Variants in PTPN20 observed in about 807,000 individuals in gnomAD.
The protein encoded by PTPN20 is tyrosine-protein phosphatase non-receptor type 20.
PTPN20 carries 9 observed loss-of-function variants against 35.0 expected under a neutral mutation model. That is an observed-to-expected ratio of 0.26 (90% CI 0.15 to 0.45). The LOEUF is 0.45. Among genes scored for constraint, PTPN20 ranks in the 20% least tolerant of loss-of-function variants. PTPN20 has a pLI of 1.00. For missense variants in PTPN20, 111 were observed against 312.5 expected (o/e 0.36, Z 4.86); for synonymous variants, 32 against 100.2 (o/e 0.32, Z 4.06).
intron 7 of PTPN20, among the ~76,000 whole-genome samples, chr10:46,979,954 C>A (rs1353743580): frequency 1.3e-5 from 2 of 151,006 alleles, no homozygotes; most frequent in African/African-American, 4.8e-5. Context: ...TTCCCTTCCA[C>A]AGGATATTAC....
chr10:46,972,206 T>C (rs1282289515), intron 7 of PTPN20, among the ~76,000 whole-genome samples: 3 of 146,764 alleles, frequency 2.0e-5, no homozygotes, highest in Non-Finnish European at 4.5e-5. Context: ...CACAAAAACT[T>C]ATATTTATAA....
Position 46,931,553 on chromosome 10 carries a change from ACCC to A in PTPN20, c.-123-823_-123-821del, listed in dbSNP as rs1555118967. Among the ~76,000 whole-genome samples the A allele has an allele frequency of 1.8e-4, 25 of 141,694 alleles. 2 individuals are homozygous for A. Among genetic ancestry groups the A allele is most frequent in the Non-Finnish European group, 3.1e-4 (21 of 66,986 alleles). 93.0% of individuals were successfully genotyped at this position (141,694 alleles called of 152,430 possible). On this transcript the variant is annotated intron_variant, in intron 1 of 10. Coordinates refer to ENST00000374339, the MANE Select transcript of PTPN20 (RefSeq NM_001042357.5). ...TGGGACCACAGGTGTGTGCCACCAC[ACCC>A]GTCTAATTTTTGTAGAGACAGGATT...
At chr10:47,002,998 C>T (rs2060131961), downstream of PTPN20, among the ~76,000 whole-genome samples, 1 of 151,768 alleles carries the variant, frequency 6.6e-6, no homozygotes, top group African/African-American at 2.4e-5. Context: ...TTTTCTAATT[C>T]CTCGGAAGAA....
chr10:46,996,697 T>C (rs1398308185), intron 9 of PTPN20, among the ~76,000 whole-genome samples: 1 of 152,194 alleles, frequency 6.6e-6, no homozygotes, highest in African/African-American at 2.4e-5. Context: ...TTTGGCCTAT[T>C]GATGGCTAGT....
chr10:46,948,068 CTTCTT>C (rs2045530815), intron 5 of PTPN20: 1 of 392,006 alleles, frequency 2.6e-6, no homozygotes, highest in Admixed American at 3.3e-5. Flanking sequence ...TTCTCCTACT[CTTCTT>C]ACTCTTTGTA....
intron 5 of PTPN20, among the ~76,000 whole-genome samples, chr10:46,948,191 T>C (rs1414511647): frequency 6.6e-6 from 1 of 152,162 alleles, no homozygotes; most frequent in Non-Finnish European, 1.5e-5. Context: ...GTTTTTTATG[T>C]ACAACATTTC....
intron 9 of PTPN20, among the ~76,000 whole-genome samples, chr10:46,998,578 A>G (rs1020757588): frequency 1.3e-5 from 2 of 152,144 alleles, no homozygotes; most frequent in African/African-American, 4.8e-5. Flanking sequence ...AGTTACATGA[A>G]TCTTCACATA....
At chr10:46,945,093 T>A (rs1457819657) in intron 4 of PTPN20, among the ~76,000 whole-genome samples, 1 of 138,334 alleles carries the variant, frequency 7.2e-6, no homozygotes, top group Non-Finnish European at 1.5e-5. Flanking sequence ...GGAGAAATAT[T>A]AGCTGCCAAG....
rs1446449000 is a variant in PTPN20 at position 46,940,439 on chromosome 10, T to C, written c.35-184T>C. The C allele has an allele frequency of 1.8e-4, 112 of 627,270 alleles. 1 individual carries two copies. The East Asian group carries it at 2.9e-3, about 16-fold the overall frequency. The allele number at this position is 627,270 out of a possible 1,614,324, so 38.9% of individuals were successfully genotyped here. On this transcript the variant is annotated intron_variant, in intron 2 of 10. Transcript: ENST00000374339. ...TAGAAGAAGGATCAGCTTTGCTATG[T>C]TGATTTTTTCAAAGCAGGGGAGAAA...
chr10:46,948,119 GT>G (rs1354787194), intron 5 of PTPN20, among the ~76,000 whole-genome samples: 1 of 151,934 alleles, frequency 6.6e-6, no homozygotes, highest in Non-Finnish European at 1.5e-5. Flanking sequence ...CTTTCTTCAA[GT>G]TTACTGATTC....
chr10:46,964,561 G>T (rs1555158979), intron 5 of PTPN20, among the ~76,000 whole-genome samples: 1 of 149,064 alleles, frequency 6.7e-6, no homozygotes, highest in Non-Finnish European at 1.5e-5. Context: ...TAATGAAACA[G>T]GACGTGAACT....
chr10:46,929,685 C>G (rs1284531560), intron 1 of PTPN20, among the ~76,000 whole-genome samples: 1 of 149,276 alleles, frequency 6.7e-6, no homozygotes, highest in Non-Finnish European at 1.5e-5. Flanking sequence ...TGGTCCAACC[C>G]GAGGAGATGA....
At chr10:46,948,049 ACTTTT>A (rs1427245972) in intron 5 of PTPN20, 1 of 416,022 alleles carries the variant, frequency 2.4e-6, no homozygotes, top group East Asian at 7.2e-5. Context: ...GTTGCTTTTT[ACTTTT>A]CTTTTCTCCT....
In PTPN20 at chr10:47,000,793, C is replaced by G; in HGVS notation, c.*52C>G. ...AAATTACCAAGTGGGTTTGCACCTCCTCATAAAGAACATGTTTGCACTGTG... is the reference window on the plus strand; with the variant it reads ...AAATTACCAAGTGGGTTTGCACCTCGTCATAAAGAACATGTTTGCACTGTG... On this transcript the variant is annotated 3_prime_UTR_variant, in exon 11 of 11. Coordinates refer to ENST00000374339, the MANE Select transcript of PTPN20 (RefSeq NM_001042357.5). The G allele has an allele frequency of 6.2e-7, 1 of 1,600,086 alleles. No individual in the cohort carries two copies. Among genetic ancestry groups the G allele is most frequent in the Non-Finnish European group, 8.6e-7 (1 of 1,167,464 alleles).
chr10:47,000,224 TC>T (rs2059870383), intron 10 of PTPN20, among the ~76,000 whole-genome samples: 1 of 152,192 alleles, frequency 6.6e-6, no homozygotes, highest in South Asian at 2.1e-4. Flanking sequence ...TGAGGTCTCC[TC>T]GTGTCCAAAC....
chr10:46,948,171 A>G (rs2045578461), intron 5 of PTPN20, among the ~76,000 whole-genome samples: 1 of 152,130 alleles, frequency 6.6e-6, no homozygotes, highest in Non-Finnish European at 1.5e-5. Context: ...ACCCATTGAA[A>G]GCACACAGTG....
chr10:46,957,620 A>T (rs2048794783), intron 5 of PTPN20, among the ~76,000 whole-genome samples: 1 of 151,684 alleles, frequency 6.6e-6, no homozygotes, highest in African/African-American at 2.4e-5. Flanking sequence ...AATCCCAGCT[A>T]CTTGGGAGGC....
intron 9 of PTPN20, among the ~76,000 whole-genome samples, chr10:46,996,893 T>C (rs1229583346): frequency 6.6e-6 from 1 of 152,194 alleles, no homozygotes; most frequent in Non-Finnish European, 1.5e-5. Flanking sequence ...TAGTAAGCTT[T>C]AACATCAGAT....
intron 1 of PTPN20, among the ~76,000 whole-genome samples, chr10:46,925,652 G>A (rs1237130997): frequency 2.7e-5 from 4 of 149,844 alleles, no homozygotes; most frequent in African/African-American, 9.9e-5. Context: ...AGAGGATAGA[G>A]GAGTAGGAAC....
Sources: gnomAD v4.1 joint callset for allele counts (sites outside exome capture counted in the v4.1 genomes callset) on GRCh38, gnomAD v4.1.1 for gene constraint, MANE v1.5 for transcripts, NCBI Gene and HGNC (gene_info 2026-07-23, HGNC 2026-07-21) for gene names.